The following MAST4 variants were observed in gnomAD, a reference collection of about 807,000 sequenced individuals.
The protein encoded by MAST4 is microtubule-associated serine/threonine-protein kinase 4.
A neutral mutation model predicts 162.7 loss-of-function variants in MAST4; 89 were observed. The ratio of observed to expected loss-of-function variants is 0.55; its 90% CI spans 0.46 to 0.65. The LOEUF (loss-of-function observed/expected upper bound fraction) is 0.65, where lower values mean the gene tolerates loss of function less well. MAST4 is among the 30% of genes least tolerant of loss of function. The pLI, the probability that MAST4 is intolerant of heterozygous loss-of-function variation, is 0.00. For synonymous variants in MAST4, 1,479 were observed against 1,361.1 expected, an observed-to-expected ratio of 1.09 and a Z score of -1.91; for missense variants, 3,153 against 3,374.0, an observed-to-expected ratio of 0.93 and a Z score of 1.62.
At chr5:67,044,766 G>C (rs1423643952) in intron 4 of MAST4, among the ~76,000 whole-genome samples, 1 of 152,174 alleles carries the variant, frequency 6.6e-6, no homozygotes, top group Non-Finnish European at 1.5e-5. Flanking sequence ...TCCTGCCTTG[G>C]CCACCCAAAG....
At chr5:66,817,742 T>A (rs1756801449) in intron 3 of MAST4, among the ~76,000 whole-genome samples, 1 of 152,202 alleles carries the variant, frequency 6.6e-6, no homozygotes, top group Non-Finnish European at 1.5e-5. Flanking sequence ...ATACAATTAG[T>A]TTCTGTGAAA....
chr5:66,890,783 T>C (rs1762316045), intron 3 of MAST4, among the ~76,000 whole-genome samples: 1 of 152,208 alleles, frequency 6.6e-6, no homozygotes, highest in Non-Finnish European at 1.5e-5. Context: ...AGATGTGGAT[T>C]CAAAGACAAG....
In MAST4 at chr5:66,935,231, A is replaced by G. The variant is rs1013965848; in HGVS notation, c.674+35249A>G. 2.0e-5 allele frequency among the ~76,000 whole-genome samples: 3 copies of G among 152,348 alleles called. No individual in the cohort carries two copies. The East Asian group carries it at 5.8e-4, about 29-fold the overall frequency. ...TTTGAATTCATTTAACATGCAGAGA[A>G]TACAAGTAAAGGTCTGAGACAGGCA... On this transcript the variant is annotated intron_variant, in intron 4 of 28. Transcript: ENST00000403625.
chr5:66,721,156 G>A (rs1751184823), intron 1 of MAST4, among the ~76,000 whole-genome samples: 1 of 152,084 alleles, frequency 6.6e-6, no homozygotes, highest in East Asian at 1.9e-4. Context: ...TGCTGTCATT[G>A]TTTCATCTTC....
Position 67,120,606 on chromosome 5 carries a change from A to G in MAST4, c.1660-411A>G, listed in dbSNP as rs191353628. ...CTGAGCAATGAAGATTGCCACAGGA[A>G]TGAAAGAGACATGCTCTGTCAGGGA... is the stretch of plus-strand genomic sequence containing the variant. On this transcript the variant is annotated intron_variant, in intron 13 of 28. Coordinates refer to ENST00000403625, the MANE Select transcript of MAST4 (RefSeq NM_001164664.2). Among the ~76,000 whole-genome samples the G allele has an allele frequency of 3.3e-3, 502 of 152,306 alleles. 7 individuals carry two copies. The highest frequency in any genetic ancestry group is 7.9e-4 in the Non-Finnish European group (54 of 68,030).
chr5:66,918,134 T>C (rs1764239883), intron 4 of MAST4, among the ~76,000 whole-genome samples: 1 of 152,170 alleles, frequency 6.6e-6, no homozygotes, highest in Admixed American at 6.5e-5. Context: ...CATGCCAAGA[T>C]GCAAATATTG....
At chr5:66,886,277 G>A (rs1198727144) in intron 3 of MAST4, among the ~76,000 whole-genome samples, 3 of 152,112 alleles carry the variant, frequency 2.0e-5, no homozygotes, top group Non-Finnish European at 4.4e-5. Context: ...TCAAGAGTTT[G>A]TTTTACTTTA....
intron 1 of MAST4, among the ~76,000 whole-genome samples, chr5:66,658,811 C>T (rs1413732297): frequency 6.6e-6 from 1 of 152,112 alleles, no homozygotes; most frequent in Non-Finnish European, 1.5e-5. Context: ...CACTTTAGCC[C>T]AGGAGTTCCA....
chr5:66,865,579 TGTA>T (rs1450071761), intron 3 of MAST4, among the ~76,000 whole-genome samples: 2 of 152,202 alleles, frequency 1.3e-5, no homozygotes, highest in African/African-American at 2.4e-5. Context: ...AAATATCACA[TGTA>T]GTATATGTAA....
At chr5:66,905,521 A>T (rs560472768) in intron 4 of MAST4, among the ~76,000 whole-genome samples, 7 of 152,158 alleles carry the variant, frequency 4.6e-5, no homozygotes, top group Admixed American at 3.9e-4. Flanking sequence ...AGTATTCCTC[A>T]TTATAGAGTT....
chr5:67,153,351 G>C, intron 25 of MAST4, 107 bp from the exon 26 acceptor site: 1 of 1,151,592 alleles, frequency 8.7e-7, no homozygotes, highest in Admixed American at 3.2e-5. Context: ...TTTTCTATTA[G>C]AGGCTTAGGA....
intron 1 of MAST4, among the ~76,000 whole-genome samples, chr5:66,718,828 CTG>C (rs1327892654): frequency 1.3e-5 from 2 of 152,194 alleles, no homozygotes; most frequent in Non-Finnish European, 2.9e-5. Context: ...CATTTCTCTT[CTG>C]TGCTTCTTGC....
chr5:67,010,121 G>A (rs1373453012), intron 4 of MAST4, among the ~76,000 whole-genome samples: 1 of 152,104 alleles, frequency 6.6e-6, no homozygotes, highest in Non-Finnish European at 1.5e-5. Flanking sequence ...AAGATCTGTT[G>A]TGCACTGAAT....
chr5:66,699,678 C>A lies in MAST4; in HGVS notation c.364-60031C>A, dbSNP rs188476719. On this transcript the variant is annotated intron_variant, in intron 1 of 28. Coordinates refer to ENST00000403625, the MANE Select transcript of MAST4 (RefSeq NM_001164664.2). ...CACAGGAACAGAAAACCAAACACCA[C>A]GTGTTCTCACTCATAAGTGGGAGCT... 6.0e-5 allele frequency among the ~76,000 whole-genome samples: 9 copies of A among 150,448 alleles called. No individual in the cohort carries two copies. The East Asian group carries it at 1.8e-3, about 30-fold the overall frequency.
chr5:66,662,320 T>A (rs2149462132), intron 1 of MAST4: 1 of 152,350 alleles, frequency 6.6e-6, no homozygotes, highest in African/African-American at 2.4e-5. Flanking sequence ...TGAGACATAC[T>A]GGTTAATTAA....
At chr5:66,624,462 G>C (rs766247020) in intron 1 of MAST4, among the ~76,000 whole-genome samples, 2 of 151,972 alleles carry the variant, frequency 1.3e-5, no homozygotes, top group Non-Finnish European at 2.9e-5. Flanking sequence ...CTGTTTAAAT[G>C]TTTATACTAT....
At chr5:66,925,212 A>G (rs1764808644) in intron 4 of MAST4, among the ~76,000 whole-genome samples, 1 of 152,176 alleles carries the variant, frequency 6.6e-6, no homozygotes, top group Non-Finnish European at 1.5e-5. Context: ...CTTGCCCACA[A>G]AATTTGCTGC....
intron 4 of MAST4, among the ~76,000 whole-genome samples, chr5:66,909,455 G>A (rs188921341): frequency 2.6e-5 from 4 of 152,118 alleles, no homozygotes; most frequent in Admixed American, 6.6e-5. Flanking sequence ...TGGTCTATAT[G>A]GAAAATTTTA....
At chr5:66,737,627 T>C (rs1298967449) in intron 1 of MAST4, among the ~76,000 whole-genome samples, 2 of 152,160 alleles carry the variant, frequency 1.3e-5, no homozygotes, top group Admixed American at 1.3e-4. Flanking sequence ...TTTCTGTGTC[T>C]AGGGTACATA....
Sources: allele counts gnomAD v4.1 joint callset (sites outside exome capture counted in the v4.1 genomes callset), GRCh38; gene constraint gnomAD v4.1.1; transcripts MANE v1.5; gene names NCBI Gene and HGNC (gene_info 2026-07-23, HGNC 2026-07-21).